Variants in ITPR2 observed in about 807,000 individuals in gnomAD.
ITPR2 encodes inositol 1,4,5-trisphosphate receptor type 2.
In ITPR2, 207 loss-of-function variants were observed where a neutral mutation model predicts 317.1. The observed-to-expected ratio is 0.65, with a 90% CI of 0.58 to 0.73. The LOEUF (loss-of-function observed/expected upper bound fraction) is 0.73, where lower values mean the gene tolerates loss of function less well. ITPR2 is among the 30% of genes least tolerant of loss of function. The probability of loss-of-function intolerance (pLI) is 0.00; values close to 1 mark genes in which losing one functional copy is unlikely to be tolerated. For synonymous variants in ITPR2, 1,156 were observed against 1,149.1 expected (o/e 1.01, Z -0.12); for missense variants, 2,613 against 3,284.0 (o/e 0.80, Z 4.99).
At chr12:26,709,981 A>G (rs1334848901) in intron 9 of ITPR2, among the ~76,000 whole-genome samples, 2 of 152,196 alleles carry the variant, frequency 1.3e-5, no homozygotes, top group Non-Finnish European at 2.9e-5. Flanking sequence ...GCTCATGCCT[A>G]TAATCCCAGG....
intron 55 of ITPR2, among the ~76,000 whole-genome samples, chr12:26,355,009 T>C (rs1254738753): frequency 6.6e-6 from 1 of 152,106 alleles, no homozygotes; most frequent in Non-Finnish European, 1.5e-5. Flanking sequence ...ACCTGGGAAA[T>C]GGTTAGAAAT....
chr12:26,740,236 T>C (rs1481184747), intron 2 of ITPR2, among the ~76,000 whole-genome samples: 1 of 152,220 alleles, frequency 6.6e-6, no homozygotes, highest in Non-Finnish European at 1.5e-5. Flanking sequence ...GAAGAGACTA[T>C]TGAGTCATGC....
At chr12:26,561,673 T>G (rs911376454) in intron 35 of ITPR2, 89 bp downstream of exon 35, 2 of 1,112,564 alleles carry the variant, frequency 1.8e-6, no homozygotes, top group African/African-American at 3.3e-5. Context: ...TAGAACTTGA[T>G]ATTTTAAACC....
At chr12:26,515,546 C>T (rs1245017764) in intron 37 of ITPR2, among the ~76,000 whole-genome samples, 1 of 151,918 alleles carries the variant, frequency 6.6e-6, no homozygotes, top group Non-Finnish European at 1.5e-5. Context: ...AGCCTGAAAA[C>T]TCCATTTTCA....
chr12:26,566,551 T>G (rs1264238656), intron 34 of ITPR2, among the ~76,000 whole-genome samples: 38 of 98,714 alleles, frequency 3.8e-4, no homozygotes, highest in African/African-American at 8.0e-4. Flanking sequence ...AGGAGAAGGA[T>G]AAGGAGGAGA....
Position 26,578,775 on chromosome 12 carries a change from G to A in ITPR2, c.4568C>T (p.Thr1523Ile). 1 of 1,611,470 alleles carries A rather than the reference G, an allele frequency of 6.2e-7. No homozygotes were observed. Among genetic ancestry groups the A allele is most frequent in the Non-Finnish European group, 8.5e-7 (1 of 1,178,064 alleles). The change falls in exon 34 of 57, where the codon ACC (threonine) becomes ATC (isoleucine). Residue 1523 changes from threonine (T) to isoleucine (I), a missense_variant. By Grantham distance (89) the Thr-to-Ile change is moderately conservative. Around this residue, in one of 9 missense-constraint regions of ITPR2, gnomAD observed 926 missense variants for 1,072.8 expected, o/e 0.86. Transcript: ENST00000381340. The part of the protein sequence containing the change: ...LQSAFRIYNC[T>I]WPNPAQKASV... Reference sequence around the variant, plus strand: ...GGCTTTCTGCGCTGGGTTTGGCCAGGTGCAATTGTAAATTCTGAAGGCAGA... The same window carrying A: ...GGCTTTCTGCGCTGGGTTTGGCCAGATGCAATTGTAAATTCTGAAGGCAGA...
chr12:26,719,343 T>A (rs1401522709), intron 5 of ITPR2, among the ~76,000 whole-genome samples: 1 of 152,228 alleles, frequency 6.6e-6, no homozygotes, highest in Non-Finnish European at 1.5e-5. Context: ...TGAAGTCATT[T>A]TCTGCCACAT....
At chr12:26,383,017 G>A (rs1313278456) in intron 55 of ITPR2, among the ~76,000 whole-genome samples, 1 of 152,132 alleles carries the variant, frequency 6.6e-6, no homozygotes, top group African/African-American at 2.4e-5. Flanking sequence ...GGGCTTAGTG[G>A]GAGGCTTTTG....
At chr12:26,423,963 G>T (rs1405877498) in intron 49 of ITPR2, among the ~76,000 whole-genome samples, 1 of 152,156 alleles carries the variant, frequency 6.6e-6, no homozygotes, top group African/African-American at 2.4e-5. Context: ...GTACTAAGTT[G>T]TTATAACACA....
intron 26 of ITPR2, among the ~76,000 whole-genome samples, chr12:26,619,651 C>T (rs776106437): frequency 1.2e-4 from 19 of 152,014 alleles, no homozygotes; most frequent in Non-Finnish European, 2.5e-4. Context: ...ATGATGCCGT[C>T]AGGAGAAAGA....
At chr12:26,426,275 T>C (rs564650135) in intron 49 of ITPR2, among the ~76,000 whole-genome samples, 1 of 152,302 alleles carries the variant, frequency 6.6e-6, no homozygotes, top group African/African-American at 2.4e-5. Flanking sequence ...TATAGTTCAA[T>C]ATGCAATTTA....
At chr12:26,653,643 G>A (rs1947308873) in intron 21 of ITPR2, among the ~76,000 whole-genome samples, 2 of 152,314 alleles carry the variant, frequency 1.3e-5, no homozygotes, top group South Asian at 4.1e-4. Context: ...AAAAGAGGCT[G>A]AGGCAGGAGA....
chr12:26,562,009 A>C, intron 34 of ITPR2, 57 bp from the exon 35 acceptor site: 2 of 1,200,818 alleles, frequency 1.7e-6, no homozygotes, highest in Non-Finnish European at 2.2e-6. Context: ...TTTCTTACAT[A>C]TTATCCATAC....
chr12:26,444,356 G>A (rs1438480580), intron 45 of ITPR2, among the ~76,000 whole-genome samples: 1 of 152,028 alleles, frequency 6.6e-6, no homozygotes, highest in African/African-American at 2.4e-5. Flanking sequence ...GTTGTCTCGA[G>A]CAATTCCTGA....
chr12:26,380,348 T>C (rs1437510800), intron 55 of ITPR2, among the ~76,000 whole-genome samples: 1 of 152,168 alleles, frequency 6.6e-6, no homozygotes, highest in Non-Finnish European at 1.5e-5. Context: ...GAGAATAACA[T>C]AGGGGACAGA....
intron 21 of ITPR2, among the ~76,000 whole-genome samples, chr12:26,647,986 G>A (rs1947154042): frequency 6.6e-6 from 1 of 151,996 alleles, no homozygotes; most frequent in African/African-American, 2.4e-5. Flanking sequence ...TTGTGACAGG[G>A]AGCAGCCACA....
chr12:26,672,327 G>A (rs1465138199), intron 13 of ITPR2, among the ~76,000 whole-genome samples: 1 of 152,050 alleles, frequency 6.6e-6, no homozygotes, highest in African/African-American at 2.4e-5. Context: ...AAATGTAAAA[G>A]AGCAGAAATT....
At chr12:26,761,649 T>C (rs998091201) in intron 2 of ITPR2, among the ~76,000 whole-genome samples, 3 of 152,162 alleles carry the variant, frequency 2.0e-5, no homozygotes, top group Admixed American at 2.0e-4. Context: ...TTTTAAAAAT[T>C]AGCCAGGCAT....
At position 26,663,771 on chromosome 12, in the gene ITPR2, C is replaced by T. The variant is rs1456172366; in HGVS notation, c.1627G>A (p.Asp543Asn). ...TACTTGTAGGGTGCATATCTTTGAT[C>T]CCCCAGATCTTCAAGTCTCAGCATC... Reference protein sequence around the residue: ...GSMLRLEDLGDQRYAPYKYML... With the variant: ...GSMLRLEDLGNQRYAPYKYML... The change falls in exon 15 of 57, where the codon GAT (aspartate) becomes AAT (asparagine). Residue 543 changes from aspartate to asparagine, a missense_variant. Asp to Asn is a conservative substitution (Grantham distance 23). This residue lies in a region of ITPR2 where 515 missense variants were observed against 789.4 expected (regional missense o/e 0.65). Transcript: ENST00000381340. The T allele has an allele frequency of 1.2e-6, 2 of 1,614,044 alleles. No individual in the cohort carries two copies. Among genetic ancestry groups the T allele is most frequent in the South Asian group, 1.1e-5 (1 of 91,054 alleles).
Sources: gnomAD v4.1 joint callset for allele counts (sites outside exome capture counted in the v4.1 genomes callset) on GRCh38, gnomAD v4.1.1 for gene constraint, gnomAD v4.1.1 regional missense constraint, MANE v1.5 for transcripts, NCBI Gene and HGNC (gene_info 2026-07-23, HGNC 2026-07-21) for gene names.